The following DAOA variants were observed in gnomAD, a reference collection of about 807,000 sequenced individuals.
DAOA encodes D-amino acid oxidase activator.
DAOA carries 15 observed loss-of-function variants against 16.4 expected under a neutral mutation model. That is an observed-to-expected ratio of 0.91 (90% CI 0.61 to 1.41). DAOA has a LOEUF of 1.41. Among genes scored for constraint, DAOA ranks in the 40% most tolerant of loss-of-function variants. DAOA has a pLI of 0.00. For missense variants in DAOA, 230 were observed against 176.8 expected (o/e 1.30, Z -1.71); for synonymous variants, 75 against 59.1 (o/e 1.27, Z -1.23).
Position 105,490,206 on chromosome 13 carries a change from T to A in DAOA, c.*111+14T>A. The A allele has an allele frequency of 8.8e-7, 1 of 1,135,628 alleles. No homozygotes were observed. Among genetic ancestry groups the A allele is most frequent in the Non-Finnish European group, 1.1e-6 (1 of 900,152 alleles). 70.3% of individuals were successfully genotyped at this position (1,135,628 alleles called of 1,614,324 possible). ...TGATAACACGTGGTAATATGTTTTA[T>A]AAAATTATATTTTTATGAATATTTT... On this transcript the variant is annotated intron_variant, in intron 5 of 5. Transcript: ENST00000375936.
intron 2 of DAOA, 166 bp from the exon 3 acceptor site, chr13:105,466,887 C>T: frequency 3.2e-6 from 3 of 940,480 alleles, no homozygotes; most frequent in Non-Finnish European, 4.2e-6. Context: ...ATATCTTCAT[C>T]TATAAAAATA....
At chr13:105,473,463 G>A (rs1016236006) in intron 4 of DAOA, among the ~76,000 whole-genome samples, 2 of 151,940 alleles carry the variant, frequency 1.3e-5, no homozygotes, top group East Asian at 1.9e-4. Context: ...AAAATCAGTT[G>A]CAAAATATTA....
intron 1 of DAOA, 66 bp from the exon 2 acceptor site, chr13:105,466,150 C>A (rs1876494948): frequency 7.4e-7 from 1 of 1,352,684 alleles, no homozygotes; most frequent in Admixed American, 2.5e-5. Context: ...TGCAAAAGAG[C>A]TACACCCCAA....
chr13:105,478,404 C>G (rs1877491606), intron 4 of DAOA, among the ~76,000 whole-genome samples: 1 of 152,138 alleles, frequency 6.6e-6, no homozygotes, highest in Non-Finnish European at 1.5e-5. Flanking sequence ...TCCAACTGAA[C>G]AGAGCAGATG....
chr13:105,473,156 AGTGTGTGTGT>A (rs10691575), intron 4 of DAOA, among the ~76,000 whole-genome samples: 13 of 149,080 alleles, frequency 8.7e-5, no homozygotes, highest in Admixed American at 8.7e-4. Context: ...CCTACGTGAG[AGTGTGTGTGT>A]GTGTGTGTGT....
intron 4 of DAOA, among the ~76,000 whole-genome samples, chr13:105,473,126 A>G (rs1030990907): frequency 6.6e-6 from 1 of 151,580 alleles, no homozygotes; most frequent in Non-Finnish European, 1.5e-5. Flanking sequence ...TGGGAAAGGA[A>G]CAATGTAAAT....
At chr13:105,480,198 T>C (rs933688464) in intron 4 of DAOA, among the ~76,000 whole-genome samples, 1 of 152,226 alleles carries the variant, frequency 6.6e-6, no homozygotes, top group African/African-American at 2.4e-5. Flanking sequence ...TCATTTCTTT[T>C]TCTTCTAAGT....
intron 3 of DAOA, among the ~76,000 whole-genome samples, chr13:105,470,589 T>C (rs564941406): frequency 5.5e-4 from 84 of 152,150 alleles, no homozygotes; most frequent in African/African-American, 2.0e-3. Flanking sequence ...CCAACCAAAA[T>C]ATTCTATTTT....
chr13:105,467,679 G>T (rs1409399658), intron 3 of DAOA: 4 of 145,826 alleles, frequency 2.7e-5, no homozygotes, highest in Non-Finnish European at 6.0e-5. Flanking sequence ...GATTACAGGT[G>T]TCAGCCACAA....
intron 4 of DAOA, among the ~76,000 whole-genome samples, chr13:105,488,111 TA>T (rs1878257863): frequency 6.6e-6 from 1 of 152,206 alleles, no homozygotes; most frequent in Non-Finnish European, 1.5e-5. Flanking sequence ...GAGGTACTTC[TA>T]AAAATGTAAA....
intron 4 of DAOA, among the ~76,000 whole-genome samples, chr13:105,478,365 T>A (rs1471642499): frequency 6.6e-6 from 1 of 152,200 alleles, no homozygotes; most frequent in African/African-American, 2.4e-5. Flanking sequence ...TCAATTGGTA[T>A]CGAGGAGTGC....
At chr13:105,478,386 AC>A (rs1877490963) in intron 4 of DAOA, among the ~76,000 whole-genome samples, 1 of 152,182 alleles carries the variant, frequency 6.6e-6, no homozygotes, top group Non-Finnish European at 1.5e-5. Context: ...TGAAACCTGT[AC>A]TAATTTTCCA....
intron 3 of DAOA, among the ~76,000 whole-genome samples, chr13:105,469,032 A>T (rs1876739916): frequency 1.3e-5 from 2 of 152,218 alleles, no homozygotes; most frequent in African/African-American, 4.8e-5. Context: ...TTAGTGTAAA[A>T]TTAAGAAGAC....
intron 4 of DAOA, among the ~76,000 whole-genome samples, chr13:105,477,747 C>T (rs1051167147): frequency 2.6e-5 from 4 of 152,072 alleles, no homozygotes; most frequent in Admixed American, 6.6e-5. Context: ...AAAAAATTTA[C>T]ATATGACAGA....
chr13:105,471,480 A>T (rs566180771), intron 3 of DAOA, among the ~76,000 whole-genome samples: 1 of 152,358 alleles, frequency 6.6e-6, no homozygotes, highest in African/African-American at 2.4e-5. Context: ...CATATAAAAA[A>T]TAAATTGATG....
At chr13:105,466,131 A>C in intron 1 of DAOA, 71 bp downstream of exon 1, 2 of 1,126,402 alleles carry the variant, frequency 1.8e-6, no homozygotes, top group Non-Finnish European at 2.5e-6. Context: ...TGTTCTGATG[A>C]TCTTTTGCTG....
chr13:105,489,922 T>C lies in DAOA; in HGVS notation c.303T>C (p.His101=), dbSNP rs1347011674. ...ACAGGCTTGAAGAAGTAAGCAGCCA[T>C]GTTGGAAAAGTCTTCATGGCAAGAA... is the stretch of plus-strand genomic sequence containing the variant. ...PYAELEEVSS[H]VGKVFMARNY... is the part of the protein sequence containing the mutation. The change falls in exon 5 of 6, where the codon CAT becomes CAC. Residue 101 remains histidine, a synonymous_variant. Coordinates refer to ENST00000375936, the MANE Select transcript of DAOA (RefSeq NM_172370.5). 6.2e-7 allele frequency: 1 copy of C among 1,613,912 alleles called. No individual in the cohort carries two copies. The highest frequency in any genetic ancestry group is 1.7e-5 in the Admixed American group (1 of 59,970).
At chr13:105,469,211 C>A (rs1312060816) in intron 3 of DAOA, among the ~76,000 whole-genome samples, 1 of 152,126 alleles carries the variant, frequency 6.6e-6, no homozygotes, top group Non-Finnish European at 1.5e-5. Flanking sequence ...AGCTGGAGGG[C>A]AGAATTTTCC....
At chr13:105,474,680 G>T (rs764827787) in intron 4 of DAOA, among the ~76,000 whole-genome samples, 19 of 152,036 alleles carry the variant, frequency 1.2e-4, no homozygotes, top group Non-Finnish European at 2.6e-4. Context: ...CAAATCGGCT[G>T]CAAGAAAATA....
Sources: allele counts gnomAD v4.1 joint callset (sites outside exome capture counted in the v4.1 genomes callset), GRCh38; gene constraint gnomAD v4.1.1; transcripts MANE v1.5; gene names NCBI Gene and HGNC (gene_info 2026-07-23, HGNC 2026-07-21).